The following NLRC5 variants were observed in gnomAD, a reference collection of about 807,000 sequenced individuals.
NLRC5 encodes protein NLRC5.
NLRC5 carries 114 observed loss-of-function variants against 206.9 expected under a neutral mutation model. That is an observed-to-expected ratio of 0.55 (90% CI 0.47 to 0.64). The LOEUF is 0.64. Among genes scored for constraint, NLRC5 ranks in the 30% least tolerant of loss-of-function variants. NLRC5 has a pLI of 0.00. For missense variants in NLRC5, 2,008 were observed against 2,305.5 expected (o/e 0.87, Z 2.64); for synonymous variants, 952 against 962.8 (o/e 0.99, Z 0.21).
Position 57,077,888 on chromosome 16 carries a change from G to T in NLRC5, c.5004-55G>T, listed in dbSNP as rs527871391. 8.7e-6 allele frequency: 14 copies of T among 1,606,460 alleles called. No individual in the cohort carries two copies. In the Admixed American group the frequency reaches 2.3e-4, roughly 27 times the overall value. ...TCCCGCAGTGGGCACAGGGCAGGGC[G>T]GGGGTCCCGAGTGGGCAGGCCCAGT... On this transcript the variant is annotated intron_variant, in intron 42 of 48. Transcript: ENST00000688547.
intron 21 of NLRC5, among the ~76,000 whole-genome samples, chr16:57,046,326 C>A (rs1473421107): frequency 6.6e-6 from 1 of 152,202 alleles, no homozygotes; most frequent in East Asian, 1.9e-4. Flanking sequence ...GGCTTCCCTT[C>A]CCTGAGCCTC....
chr16:57,062,282 A>C, intron 32 of NLRC5: 1 of 404,238 alleles, frequency 2.5e-6, no homozygotes, highest in Non-Finnish European at 4.8e-6. Context: ...CACCTAAGAA[A>C]CTCAGTTAGC....
Position 57,076,895 on chromosome 16 carries a change from G to C in NLRC5, c.4828G>C (p.Glu1610Gln). The C allele has an allele frequency of 1.2e-6, 2 of 1,613,812 alleles. No homozygotes were observed. The highest frequency in any genetic ancestry group is 8.5e-7 in the Non-Finnish European group (1 of 1,179,944). Reference sequence around the variant, plus strand: ...TCTCAGGGCTGCCACCAGCCTAGAGGAGCTGGAGTGAGTTGCCCATTCTGC... The same window carrying C: ...TCTCAGGGCTGCCACCAGCCTAGAGCAGCTGGAGTGAGTTGCCCATTCTGC... The part of the protein sequence containing the change: ...EALRAATSLE[E>Q]LDLSHNQIGD... Residue 1610 changes from glutamate (E) to glutamine (Q), a missense_variant, in exon 40 of 49, where the codon GAG becomes CAG. Coordinates refer to ENST00000688547, the MANE Select transcript of NLRC5 (RefSeq NM_001384950.1).
At chr16:57,058,870 C>G (rs2066039810) in intron 28 of NLRC5, 102 bp from the exon 29 acceptor site, 2 of 993,098 alleles carry the variant, frequency 2.0e-6, no homozygotes, top group Non-Finnish European at 1.6e-6. Flanking sequence ...ATGGAGGCTT[C>G]TCTTCTTGGA....
intron 17 of NLRC5, chr16:57,041,257 G>C (rs2063247477): frequency 3.8e-6 from 2 of 532,654 alleles, no homozygotes; most frequent in Non-Finnish European, 6.7e-6. Flanking sequence ...TCTGTGCCTT[G>C]GTTTCCTTCC....
At position 57,059,471 on chromosome 16, in the gene NLRC5, G is replaced by C; in HGVS notation, c.3925G>C (p.Gly1309Arg). 6.2e-7 allele frequency: 1 copy of C among 1,608,840 alleles called. No individual in the cohort carries two copies. The highest frequency in any genetic ancestry group is 8.5e-7 in the Non-Finnish European group (1 of 1,177,656). The change falls in exon 30 of 49, where the codon GGC (glycine) becomes CGC (arginine). Residue 1309 changes from glycine (G) to arginine (R), a missense_variant. By Grantham distance (125) the Gly-to-Arg change is moderately radical (BLOSUM62 -2). Coordinates refer to ENST00000688547, the MANE Select transcript of NLRC5 (RefSeq NM_001384950.1). ...PRVREASVNL[G>R]SEQSFRIHFS... ...CCCAGGCCCTTCTCTCTGCAGCCTG[G>C]GCTCTGAGCAGAGCTTCCGGATTCA...
chr16:57,079,285 CAGAT>C lies in NLRC5; in HGVS notation c.5234_5237del (p.Ile1745ThrfsTer27). On this transcript the variant is annotated frameshift_variant, in exon 45 of 49. Coordinates refer to ENST00000688547, the MANE Select transcript of NLRC5 (RefSeq NM_001384950.1). LOFTEE classifies it high-confidence loss of function. ...CTGTATGGAGCTCCCGCTGCTCAGA[CAGAT>C]AGAGTAAGTAGCCTCCCCTGCCTGC... The C allele has an allele frequency of 1.9e-6, 3 of 1,613,416 alleles. No homozygotes were observed. The highest frequency in any genetic ancestry group is 2.5e-6 in the Non-Finnish European group (3 of 1,180,018).
At chr16:57,002,168 G>T (rs2058333254) in intron 1 of NLRC5, among the ~76,000 whole-genome samples, 2 of 152,116 alleles carry the variant, frequency 1.3e-5, no homozygotes, top group Admixed American at 1.3e-4. Flanking sequence ...TTTCTTTCGA[G>T]ATGGACTCTT....
intron 22 of NLRC5, 85 bp from the exon 23 acceptor site, chr16:57,047,460 G>A (rs531060459): frequency 8.3e-7 from 1 of 1,204,140 alleles, no homozygotes; most frequent in Admixed American, 2.0e-5. Flanking sequence ...AGTGAGGGAT[G>A]CTGGGAGAAG....
chr16:57,037,233 G>A lies in NLRC5; in HGVS notation c.2750G>A (p.Cys917Tyr), dbSNP rs780837030. 3.1e-6 allele frequency: 5 copies of A among 1,613,686 alleles called. No individual in the cohort carries two copies. In the African/African-American group the frequency reaches 6.7e-5, roughly 22 times the overall value. The change falls in exon 15 of 49, where the codon TGT (cysteine) becomes TAT (tyrosine). Residue 917 changes from cysteine (C) to tyrosine (Y), a missense_variant. Transcript: ENST00000688547. ...NNGLSVAGVH[C>Y]VLRAVSACWT... ...GGGCTTTCTGTGGCCGGGGTGCATT[G>A]TGTGCTGAGGGCCGTGAGTGCGTGC...
intron 17 of NLRC5, among the ~76,000 whole-genome samples, 195 bp downstream of exon 17, chr16:57,040,913 GCAGCCCCGTCAAC>G (rs1567585305): frequency 6.6e-6 from 1 of 152,014 alleles, no homozygotes; most frequent in African/African-American, 2.4e-5. Flanking sequence ...GGCTCACAAG[GCAGCCCCGTCAAC>G]CACCTTCCCA....
At chr16:57,058,410 C>A in intron 28 of NLRC5, 1 of 507,496 alleles carries the variant, frequency 2.0e-6, no homozygotes, top group Non-Finnish European at 3.5e-6. Flanking sequence ...CCCCTACAGC[C>A]AAACTGACCT....
Position 57,026,657 on chromosome 16 carries a change from A to T in NLRC5, c.1714A>T (p.Thr572Ser). The change falls in exon 6 of 49, where the codon ACC (threonine) becomes TCC (serine). Residue 572 changes from threonine (T) to serine (S), a missense_variant. Transcript: ENST00000688547. Reference protein sequence around the residue: ...PTFLAGLASCTCRPFLSHLAQ... With the variant: ...PTFLAGLASCSCRPFLSHLAQ... Reference sequence around the variant, plus strand: ...CTTCCTGGCGGGCCTGGCATCCTGCACCTGCCGCCCCTTCCTTAGCCACCT... The same window carrying T: ...CTTCCTGGCGGGCCTGGCATCCTGCTCCTGCCGCCCCTTCCTTAGCCACCT... The T allele has an allele frequency of 6.2e-7, 1 of 1,614,036 alleles. No individual in the cohort carries two copies. Among genetic ancestry groups the T allele is most frequent in the East Asian group, 2.2e-5 (1 of 44,872 alleles).
intron 22 of NLRC5, 129 bp from the exon 23 acceptor site, chr16:57,047,416 C>A: frequency 1.3e-6 from 1 of 762,604 alleles, no homozygotes; most frequent in South Asian, 1.6e-5. Context: ...AGCGAGTGCC[C>A]CACAGGGGAA....
intron 1 of NLRC5, among the ~76,000 whole-genome samples, chr16:57,006,184 A>G (rs149520135): frequency 1.3e-5 from 2 of 151,732 alleles, no homozygotes; most frequent in East Asian, 4.0e-4. Context: ...TTTTTTGTCA[A>G]GATGGGGTTT....
chr16:57,013,433 A>G, intron 1 of NLRC5: 1 of 662,032 alleles, frequency 1.5e-6, no homozygotes, highest in Non-Finnish European at 2.8e-6. Context: ...TAAGTTCCAA[A>G]GTGTTTCTGA....
chr16:57,013,571 A>C (rs1408159593), intron 1 of NLRC5: 1 of 1,095,894 alleles, frequency 9.1e-7, no homozygotes, highest in East Asian at 2.4e-5. Context: ...CAGAATTTTA[A>C]GTACCCAAAG....
chr16:57,064,946 A>T (rs2066925565), intron 32 of NLRC5, among the ~76,000 whole-genome samples: 1 of 152,116 alleles, frequency 6.6e-6, no homozygotes, highest in South Asian at 2.1e-4. Flanking sequence ...AAGATAAGAT[A>T]AAAAAATAAA....
chr16:57,026,677 C>G lies in NLRC5; in HGVS notation c.1734C>G (p.Ser578Arg), dbSNP rs1275240454. 6.2e-7 allele frequency: 1 copy of G among 1,614,144 alleles called. No homozygotes were observed. The highest frequency in any genetic ancestry group is 1.7e-5 in the Admixed American group (1 of 60,028). ...CCTGCACCTGCCGCCCCTTCCTTAG[C>G]CACCTGGCGCAGGGCAATGAGGACT... ...LASCTCRPFL[S>R]HLAQGNEDCV... The change falls in exon 6 of 49, where the codon AGC (serine) becomes AGG (arginine). Residue 578 changes from serine to arginine, a missense_variant. Transcript: ENST00000688547.
Sources: gnomAD v4.1 joint callset for allele counts (sites outside exome capture counted in the v4.1 genomes callset) on GRCh38, gnomAD v4.1.1 for gene constraint, MANE v1.5 for transcripts, NCBI Gene and HGNC (gene_info 2026-07-23, HGNC 2026-07-21) for gene names.